Variants in FN1 observed in about 807,000 individuals in gnomAD.
FN1 encodes the protein fibronectin.
Under a neutral mutation model 297.3 loss-of-function variants are expected in FN1, and 106 were observed. The ratio of observed to expected loss-of-function variants is 0.36; its 90% confidence interval spans 0.30 to 0.42. The LOEUF (loss-of-function observed/expected upper bound fraction) is 0.42. FN1 is among the 10% of genes least tolerant of loss of function. The probability of loss-of-function intolerance (pLI) is 1.00; values close to 1 mark genes in which losing one functional copy is unlikely to be tolerated. For missense variants in FN1, 2,690 were observed against 3,124.9 expected (o/e 0.86, Z 3.32); for synonymous variants, 1,149 against 1,152.6 (o/e 1.00, Z 0.06).
At chr2:215,423,921 A>G (rs578177603) in intron 8 of FN1, among the ~76,000 whole-genome samples, 1 of 152,360 alleles carries the variant, frequency 6.6e-6, no homozygotes, top group East Asian at 1.9e-4. Context: ...GTGTTAAATC[A>G]AATGAACTGG....
At chr2:215,420,107 G>A (rs1406736942) in intron 11 of FN1, among the ~76,000 whole-genome samples, 1 of 152,118 alleles carries the variant, frequency 6.6e-6, no homozygotes, top group Admixed American at 6.5e-5. Context: ...CTTTGCTCAT[G>A]CTGTTACACA....
Position 215,435,816 on chromosome 2 carries a change from G to A in FN1, c.-14C>T. The A allele has an allele frequency of 6.5e-7, 1 of 1,533,918 alleles. No individual in the cohort carries two copies. The highest frequency in any genetic ancestry group is 1.2e-5 in the South Asian group (1 of 84,208). ...ACCCCTAAGCATGTTGAGACGGTGG[G>A]GGAGAGACGCCCGCACCGGGAGGCA... On this transcript the variant is annotated 5_prime_UTR_variant, in exon 1 of 46. Transcript: ENST00000354785.
At chr2:215,375,494 G>A in intron 37 of FN1, 101 bp from the exon 38 acceptor site, 1 of 1,286,430 alleles carries the variant, frequency 7.8e-7, no homozygotes, top group South Asian at 1.2e-5. Flanking sequence ...AAAAGAATCT[G>A]AGAATACTGT....
intron 29 of FN1, 22 bp from the exon 30 acceptor site, chr2:215,384,206 CAG>C: frequency 3.1e-6 from 5 of 1,613,828 alleles, no homozygotes; most frequent in Non-Finnish European, 4.2e-6. Flanking sequence ...AGGGTTAGTT[CAG>C]AGTGTGAGGG....
At chr2:215,386,317 T>C (rs920806180) in intron 28 of FN1, among the ~76,000 whole-genome samples, 1 of 151,946 alleles carries the variant, frequency 6.6e-6, no homozygotes, top group African/African-American at 2.4e-5. Flanking sequence ...CCTCAAGTGA[T>C]CTGCCCATTT....
At chr2:215,370,258 G>A (rs55739979) in intron 41 of FN1, 36 bp downstream of exon 41, 2 of 1,610,116 alleles carry the variant, frequency 1.2e-6, no homozygotes, top group Non-Finnish European at 1.7e-6. Flanking sequence ...GTACAGCAGA[G>A]GGGAGCCTGT....
intron 41 of FN1, 127 bp from the exon 42 acceptor site, chr2:215,368,154 C>A: frequency 9.8e-7 from 1 of 1,020,534 alleles, no homozygotes; most frequent in Non-Finnish European, 1.5e-6. Flanking sequence ...GATTAAGAGG[C>A]ATTCATCTGT....
Position 215,404,402 on chromosome 2 carries a change from T to G in FN1, c.3240A>C (p.Gly1080=), listed in dbSNP as rs770306591. 1 of 1,614,056 alleles carries G rather than the reference T, an allele frequency of 6.2e-7. No homozygotes were observed. Among genetic ancestry groups the G allele is most frequent in the Admixed American group, 1.7e-5 (1 of 59,986 alleles). The change falls in exon 20 of 46, where the codon GGA becomes GGC. Residue 1080 remains glycine, a synonymous_variant. Transcript: ENST00000354785. Reference sequence around the variant, plus strand: ...TTTTCAGCTTACGTGTGGTAAAGACTCCAGTGGCTTTGGGGCTCTCTTGGT... The same window carrying G: ...TTTTCAGCTTACGTGTGGTAAAGACGCCAGTGGCTTTGGGGCTCTCTTGGT... The part of the protein sequence containing the change: ...KGNQESPKAT[G]VFTTLQPGSS...
At position 215,380,870 on chromosome 2, in the gene FN1, C is replaced by T. The variant is rs764308237; in HGVS notation, c.5375G>A (p.Ser1792Asn). Reference sequence around the variant, plus strand: ...CATATCATCGTGCAAGGCAACCACACTGACTGTGTACTCAGAACCCGGTCT... The same window carrying T: ...CATATCATCGTGCAAGGCAACCACATTGACTGTGTACTCAGAACCCGGTCT... ...GLRPGSEYTV[S>N]VVALHDDMES... The change falls in exon 33 of 46, where the codon AGT becomes AAT. Residue 1792 changes from serine (S) to asparagine (N), a missense_variant. Around this residue, in one of 3 missense-constraint regions of FN1, gnomAD observed 1,743 missense variants for 1,945.2 expected, o/e 0.90. Coordinates refer to ENST00000354785, the MANE Select transcript of FN1 (RefSeq NM_212482.4). The T allele has an allele frequency of 6.2e-7, 1 of 1,614,148 alleles. No individual in the cohort carries two copies. Among genetic ancestry groups the T allele is most frequent in the Non-Finnish European group, 8.5e-7 (1 of 1,180,028 alleles).
intron 6 of FN1, among the ~76,000 whole-genome samples, chr2:215,425,874 G>T (rs1035607978): frequency 2.0e-5 from 3 of 151,282 alleles, no homozygotes; most frequent in Non-Finnish European, 3.0e-5. Flanking sequence ...GCCTGGCCGG[G>T]ATTATATTTC....
intron 28 of FN1, 60 bp downstream of exon 28, chr2:215,386,629 C>T (rs2059050448): frequency 1.7e-5 from 15 of 895,794 alleles, no homozygotes; most frequent in Non-Finnish European, 2.3e-5. Context: ...AGCTACTTTA[C>T]AGAATCTACC....
chr2:215,365,670 T>C (rs1259154061), intron 42 of FN1, 40 bp from the exon 43 acceptor site: 1 of 1,610,270 alleles, frequency 6.2e-7, no homozygotes. Flanking sequence ...AAGTTATTTG[T>C]ATATTCTGAC....
intron 41 of FN1, among the ~76,000 whole-genome samples, chr2:215,369,027 T>G (rs1274958094): frequency 3.3e-5 from 5 of 152,106 alleles, no homozygotes; most frequent in Admixed American, 3.3e-4. Flanking sequence ...AATAGCGTTT[T>G]GGAGAACTGG....
At position 215,428,181 on chromosome 2, in the gene FN1, G is replaced by A. The variant is rs765027981; in HGVS notation, c.843C>T (p.Ser281=). Reference sequence around the variant, plus strand: ...GCCCCTGCTCGTCCTGTGCCTCACCGCTCGATGTGGTCTGCACAGAGGTGT... The same window carrying A: ...GCCCCTGCTCGTCCTGTGCCTCACCACTCGATGTGGTCTGCACAGAGGTGT... ...ERHTSVQTTS[S]GSGPFTDVRA... Residue 281 remains serine (S), a splice_region_variant and synonymous_variant, in exon 6 of 46, where the codon AGC becomes AGT. Coordinates refer to ENST00000354785, the MANE Select transcript of FN1 (RefSeq NM_212482.4). 15 of 1,613,810 alleles carry A rather than the reference G, an allele frequency of 9.3e-6. No individual in the cohort carries two copies. The Admixed American group carries it at 1.0e-4, about 11-fold the overall frequency.
rs374875142 is a variant in FN1, at chr2:215,378,272, T to C, written c.5623-10A>G. 4.5e-6 allele frequency: 7 copies of C among 1,555,842 alleles called. No homozygotes were observed. Among genetic ancestry groups the C allele is most frequent in the Non-Finnish European group, 6.2e-6 (7 of 1,128,530 alleles). ...CATATTTGGTGGCCACCTAGAGAAA[T>C]AAGGGCATGGTGAGCTTTAGCAACG... is the stretch of plus-strand genomic sequence containing the variant. On this transcript the variant is annotated splice_polypyrimidine_tract_variant and intron_variant, in intron 34 of 45. Transcript: ENST00000354785.
At chr2:215,414,260 C>T (rs1347867596) in intron 13 of FN1, among the ~76,000 whole-genome samples, 1 of 152,162 alleles carries the variant, frequency 6.6e-6, no homozygotes, top group Non-Finnish European at 1.5e-5. Context: ...CTAGTCACTT[C>T]TCATTAGGAA....
In FN1 at chr2:215,406,434, A is replaced by G. The variant is rs746940025; in HGVS notation, c.2790T>C (p.Pro930=). The change falls in exon 19 of 46, where the codon CCT becomes CCC. Residue 930 remains proline (P), a synonymous_variant. Transcript: ENST00000354785. ...CACGGTAGCCGGTCACTGCACTCTC[A>G]GGCGGTGTCCACATGATGGTGACCT... ...DVKVTIMWTP[P]ESAVTGYRVD... 1 of 1,614,140 alleles carries G rather than the reference A, an allele frequency of 6.2e-7. No homozygotes were observed. The highest frequency in any genetic ancestry group is 1.1e-5 in the South Asian group (1 of 91,064).
rs186181285 is a variant in FN1 at position 215,424,008 on chromosome 2, C to A, written c.1216+138G>T. 4.5e-5 allele frequency: 38 copies of A among 851,360 alleles called. No individual in the cohort carries two copies. The Admixed American group carries it at 6.7e-4, about 15-fold the overall frequency. 52.7% of individuals were successfully genotyped at this position (851,360 alleles called of 1,614,324 possible). On this transcript the variant is annotated intron_variant, in intron 8 of 45. Transcript: ENST00000354785. ...ATCCTCAGCTGTTACGTGAGCGCTG[C>A]GATCTCTTGAGTCCAAACTGAACAA...
Position 215,408,375 on chromosome 2 carries a change from C to T in FN1, c.2351G>A (p.Arg784Gln), listed in dbSNP as rs772449186. ...SVNIPDLLPGRKYIVNVYQIS... is the reference protein window; with the variant it reads ...SVNIPDLLPGQKYIVNVYQIS... ...CTGATAGACATTTACAATGTATTTT[C>T]GGCCAGGAAGCAGGTCAGGGATGTT... The change falls in exon 16 of 46, where the codon CGA becomes CAA. Residue 784 changes from arginine (R) to glutamine (Q), a missense_variant. Around this residue, in one of 3 missense-constraint regions of FN1, gnomAD observed 876 missense variants for 1,058.1 expected, o/e 0.83. Transcript: ENST00000354785. 10 of 1,613,852 alleles carry T rather than the reference C, an allele frequency of 6.2e-6. No individual in the cohort carries two copies. The highest frequency in any genetic ancestry group is 3.3e-5 in the South Asian group (3 of 91,076).
Sources: gnomAD v4.1 joint callset for allele counts (sites outside exome capture counted in the v4.1 genomes callset) on GRCh38, gnomAD v4.1.1 for gene constraint, gnomAD v4.1.1 regional missense constraint, MANE v1.5 for transcripts, NCBI Gene and HGNC (gene_info 2026-07-23, HGNC 2026-07-21) for gene names.